KHDRBS2: variants seen among roughly 807,000 people sequenced by gnomAD.
KHDRBS2 encodes KH domain-containing, RNA-binding, signal transduction-associated protein 2.
In KHDRBS2, 26 loss-of-function variants were observed where a neutral mutation model predicts 44.3. That is an observed-to-expected ratio of 0.59 (90% CI 0.43 to 0.81). The LOEUF (loss-of-function observed/expected upper bound fraction) is 0.81, where lower values mean the gene tolerates loss of function less well. KHDRBS2 is among the 40% of genes least tolerant of loss of function. The pLI is 0.00. For missense variants in KHDRBS2, 476 were observed against 433.1 expected (o/e 1.10, Z -0.88); for synonymous variants, 194 against 151.1 (o/e 1.28, Z -2.08).
chr6:62,285,475 A>T (rs1314862150), intron 1 of KHDRBS2, among the ~76,000 whole-genome samples: 1 of 152,228 alleles, frequency 6.6e-6, no homozygotes, highest in Non-Finnish European at 1.5e-5. Context: ...ACCGATCTGT[A>T]GCTACGAAGC....
chr6:61,969,985 C>G (rs955859), intron 4 of KHDRBS2, among the ~76,000 whole-genome samples: 1 of 151,662 alleles, frequency 6.6e-6, no homozygotes, highest in African/African-American at 2.4e-5. Flanking sequence ...CCCTAAAATT[C>G]TAAAGTTCAG....
the KHDRBS2 span, among the ~76,000 whole-genome samples, chr6:61,666,542 A>C: frequency 6.6e-6 from 1 of 151,414 alleles, no homozygotes; most frequent in Non-Finnish European, 1.5e-5. Context: ...AGTTAACCAG[A>C]AATCTGTCTG....
chr6:62,063,366 T>A (rs1792568576), intron 2 of KHDRBS2, among the ~76,000 whole-genome samples: 1 of 151,512 alleles, frequency 6.6e-6, no homozygotes, highest in Non-Finnish European at 1.5e-5. Flanking sequence ...TGAACATTGA[T>A]GCAAAAATCC....
chr6:62,079,405 G>T (rs1270151647), intron 2 of KHDRBS2, among the ~76,000 whole-genome samples: 5 of 151,952 alleles, frequency 3.3e-5, no homozygotes, highest in Non-Finnish European at 7.4e-5. Context: ...GGACAGCCTG[G>T]AATCAGGTTT....
At chr6:62,090,951 C>T (rs1364566658) in intron 2 of KHDRBS2, among the ~76,000 whole-genome samples, 1 of 152,140 alleles carries the variant, frequency 6.6e-6, no homozygotes, top group East Asian at 1.9e-4. Flanking sequence ...AATGGCAGAG[C>T]TCTTTATGAA....
At chr6:61,589,082 G>A in the KHDRBS2 span, among the ~76,000 whole-genome samples, 49 of 152,032 alleles carry the variant, frequency 3.2e-4, no homozygotes, top group South Asian at 4.6e-3. Context: ...TGGGGGTAGG[G>A]GGGCAAAGGG....
intron 2 of KHDRBS2, among the ~76,000 whole-genome samples, chr6:62,118,436 A>G (rs1806809630): frequency 6.6e-6 from 1 of 152,086 alleles, no homozygotes; most frequent in South Asian, 2.1e-4. Context: ...GCTAAGGAGA[A>G]TGTCATTGAT....
intron 6 of KHDRBS2, among the ~76,000 whole-genome samples, chr6:61,778,230 G>A (rs116013658): frequency 0.011 from 1,603 of 152,248 alleles, 27 homozygotes; most frequent in African/African-American, 0.036. Flanking sequence ...ATGAGGATTC[G>A]TTTAACTCCG....
At chr6:61,869,474 T>C (rs1798273016) in intron 6 of KHDRBS2, among the ~76,000 whole-genome samples, 1 of 152,100 alleles carries the variant, frequency 6.6e-6, no homozygotes, top group African/African-American at 2.4e-5. Flanking sequence ...CAAAATGAAC[T>C]TCTAAATAAT....
intron 3 of KHDRBS2, among the ~76,000 whole-genome samples, chr6:62,002,190 A>T (rs1323358652): frequency 2.9e-4 from 9 of 30,926 alleles, no homozygotes; most frequent in Non-Finnish European, 8.9e-4. Flanking sequence ...ACAGTGATTA[A>T]AAAAAAAAAT....
the KHDRBS2 span, among the ~76,000 whole-genome samples, chr6:61,555,316 C>A: frequency 1.4e-4 from 22 of 152,012 alleles, no homozygotes; most frequent in Admixed American, 1.1e-3. Context: ...TACTTGCAAC[C>A]GTATTCTGAA....
chr6:61,894,340 C>T (rs889155319), intron 6 of KHDRBS2, among the ~76,000 whole-genome samples: 2 of 152,068 alleles, frequency 1.3e-5, no homozygotes, highest in Non-Finnish European at 2.9e-5. Context: ...CATGGCAATT[C>T]ACCTTTTGTT....
At chr6:61,979,155 G>C (rs1366324302) in intron 3 of KHDRBS2, among the ~76,000 whole-genome samples, 2 of 152,028 alleles carry the variant, frequency 1.3e-5, no homozygotes, top group Admixed American at 1.3e-4. Flanking sequence ...ACATGTTTCA[G>C]ATTATGAAAC....
chr6:61,861,712 A>G (rs1378753914), intron 6 of KHDRBS2, among the ~76,000 whole-genome samples: 2 of 151,370 alleles, frequency 1.3e-5, no homozygotes, highest in Admixed American at 6.6e-5. Flanking sequence ...TTGGAGTTCC[A>G]TATGAATTTT....
At chr6:62,057,871 GA>G (rs1439335968) in intron 2 of KHDRBS2, among the ~76,000 whole-genome samples, 1 of 151,802 alleles carries the variant, frequency 6.6e-6, no homozygotes, top group Non-Finnish European at 1.5e-5. Flanking sequence ...CAATGGATTT[GA>G]AAAGCAACAA....
chr6:61,748,615 C>T (rs1252584940), intron 6 of KHDRBS2, among the ~76,000 whole-genome samples: 2 of 152,174 alleles, frequency 1.3e-5, no homozygotes, highest in Non-Finnish European at 1.5e-5. Context: ...TCAAATGTAA[C>T]TTATATGGGC....
chr6:61,664,382 G>T, the KHDRBS2 span, among the ~76,000 whole-genome samples: 2 of 151,650 alleles, frequency 1.3e-5, no homozygotes, highest in African/African-American at 4.8e-5. Context: ...GGGAAAATTA[G>T]TTAACAATAC....
intron 2 of KHDRBS2, among the ~76,000 whole-genome samples, chr6:62,121,523 G>A (rs1323430103): frequency 6.6e-6 from 1 of 152,148 alleles, no homozygotes; most frequent in African/African-American, 2.4e-5. Flanking sequence ...ACATCTCCTG[G>A]TACCTAGCAT....
intron 6 of KHDRBS2, among the ~76,000 whole-genome samples, chr6:61,869,752 G>A (rs1798334951): frequency 6.6e-6 from 1 of 152,100 alleles, no homozygotes; most frequent in Admixed American, 6.6e-5. Context: ...GGAAGCATAA[G>A]GGATTGGGGA....
Sources: allele counts gnomAD v4.1 joint callset (sites outside exome capture counted in the v4.1 genomes callset), GRCh38; gene constraint gnomAD v4.1.1; transcripts MANE v1.5; gene names NCBI Gene and HGNC (gene_info 2026-07-23, HGNC 2026-07-21).